C5orf63: variants seen among roughly 807,000 people sequenced by gnomAD.
C5orf63 encodes glutaredoxin-like protein C5orf63.
A neutral mutation model predicts 13.3 loss-of-function variants in C5orf63; 18 were observed. That is an observed-to-expected ratio of 1.36 (90% CI 0.94 to 2.01). C5orf63 has a LOEUF of 2.01. C5orf63 is among the 30% of genes most tolerant of loss of function. The pLI, the probability that C5orf63 is intolerant of heterozygous loss-of-function variation, is 0.00. For missense variants in C5orf63, 118 were observed against 127.7 expected, an observed-to-expected ratio of 0.92 and a Z score of 0.36; for synonymous variants, 38 against 44.7, an observed-to-expected ratio of 0.85 and a Z score of 0.60.
chr5:127,067,611 C>T (rs971706218), intron 2 of C5orf63, among the ~76,000 whole-genome samples: 29 of 152,254 alleles, frequency 1.9e-4, no homozygotes, highest in Admixed American at 1.7e-3. Flanking sequence ...TATGAAGGTA[C>T]TGAAATTTAG....
intron 3 of C5orf63, among the ~76,000 whole-genome samples, chr5:127,055,673 G>C (rs1021525047): frequency 6.6e-6 from 1 of 151,978 alleles, no homozygotes; most frequent in African/African-American, 2.4e-5. Context: ...AATGTTTTAA[G>C]ATAAACATCC....
At position 127,052,631 on chromosome 5, in the gene C5orf63, G is replaced by T; in HGVS notation, c.153C>A (p.Leu51=). The T allele has an allele frequency of 6.6e-7, 1 of 1,507,562 alleles. No homozygotes were observed. Among genetic ancestry groups the T allele is most frequent in the Non-Finnish European group, 8.8e-7 (1 of 1,136,698 alleles). 93.4% of individuals were successfully genotyped at this position (1,507,562 alleles called of 1,614,324 possible). Residue 51 remains leucine (L), a synonymous_variant, in exon 4 of 5, where the codon CTC becomes CTA. Transcript: ENST00000296662. ...ATATTACCCTGTTTTCATAAGGCTT[G>T]AGTACTTCCTTGGCTTCATCACAAA... ...CPLCDEAKEV[L]KPYENRFILQ...
intron 2 of C5orf63, among the ~76,000 whole-genome samples, chr5:127,059,554 C>G (rs1754017714): frequency 6.6e-6 from 1 of 151,644 alleles, no homozygotes; most frequent in South Asian, 2.1e-4. Flanking sequence ...ATGGCAAAAC[C>G]TATCTCTACT....
intron 3 of C5orf63, among the ~76,000 whole-genome samples, chr5:127,055,214 T>C (rs1184804642): frequency 6.6e-6 from 1 of 152,126 alleles, no homozygotes; most frequent in African/African-American, 2.4e-5. Flanking sequence ...GCCATCCCCA[T>C]CAAGCTACCA....
chr5:127,049,554 C>T (rs1018123063), downstream of C5orf63, among the ~76,000 whole-genome samples: 1 of 152,192 alleles, frequency 6.6e-6, no homozygotes, highest in Non-Finnish European at 1.5e-5. Flanking sequence ...GTGCTTTATT[C>T]ACTTGTCTCT....
At chr5:127,056,674 A>G (rs943387047) in intron 3 of C5orf63, among the ~76,000 whole-genome samples, 2 of 152,232 alleles carry the variant, frequency 1.3e-5, no homozygotes, top group African/African-American at 2.4e-5. Flanking sequence ...GAGCCAAACC[A>G]TATCACATGA....
intron 2 of C5orf63, 36 bp downstream of exon 2, chr5:127,071,548 A>G (rs1323691593): frequency 6.6e-6 from 1 of 152,210 alleles, no homozygotes; most frequent in Non-Finnish European, 1.5e-5. Context: ...AGGATAGAGG[A>G]AGCTCACCTA....
Position 127,051,711 on chromosome 5 carries a change from G to A in C5orf63, c.*60C>T. ...GTGACAAAATGAGTATCAGGCCATGGTCATTTCCTTAGGAAGATGCTTTAT... is the reference window on the plus strand; with the variant it reads ...GTGACAAAATGAGTATCAGGCCATGATCATTTCCTTAGGAAGATGCTTTAT... On this transcript the variant is annotated 3_prime_UTR_variant, in exon 5 of 5. Transcript: ENST00000296662. The A allele has an allele frequency of 7.0e-7, 1 of 1,437,210 alleles. No homozygotes were observed. The highest frequency in any genetic ancestry group is 1.5e-5 in the South Asian group (1 of 66,182). 89.0% of individuals were successfully genotyped at this position (1,437,210 alleles called of 1,614,324 possible). A position where few individuals can be genotyped will look rare whatever the true frequency, so the allele number is the denominator to read the frequency against.
chr5:127,072,888 T>C (rs1179420631), intron 1 of C5orf63, among the ~76,000 whole-genome samples: 1 of 152,184 alleles, frequency 6.6e-6, no homozygotes, highest in East Asian at 1.9e-4. Context: ...ATTCTCTCAT[T>C]GTTCAGTACC....
rs187313850 is a variant in C5orf63, at chr5:127,051,317, A to G, written c.*454T>C. ...TTCATGCAGATGTATTCCTTAAAAC[A>G]TCGCTTTATTGACCGTGCACAGTTA... On this transcript the variant is annotated 3_prime_UTR_variant, in exon 5 of 5. Coordinates refer to ENST00000296662, the MANE Select transcript of C5orf63 (RefSeq NM_001164478.2). 2.0e-4 allele frequency: 241 copies of G among 1,230,372 alleles called. No individual in the cohort carries two copies. In the African/African-American group the frequency reaches 2.6e-3, roughly 13 times the overall value. The allele number at this position is 1,230,372 out of a possible 1,614,324, so 76.2% of individuals were successfully genotyped here. A position where few individuals can be genotyped will look rare whatever the true frequency, so the allele number is the denominator to read the frequency against.
At chr5:127,063,324 C>A (rs1754178897) in intron 2 of C5orf63, among the ~76,000 whole-genome samples, 1 of 152,208 alleles carries the variant, frequency 6.6e-6, no homozygotes, top group Non-Finnish European at 1.5e-5. Context: ...ATTAAGGCAA[C>A]TGATTATAGT....
intron 2 of C5orf63, among the ~76,000 whole-genome samples, chr5:127,065,079 A>G (rs1754273256): frequency 6.6e-6 from 1 of 152,218 alleles, no homozygotes; most frequent in Admixed American, 6.5e-5. Context: ...CATGTTTGAT[A>G]CAAGTAACAA....
intron 2 of C5orf63, among the ~76,000 whole-genome samples, chr5:127,064,029 T>C (rs1033846599): frequency 1.3e-4 from 20 of 152,076 alleles, no homozygotes; most frequent in East Asian, 9.6e-4. Context: ...ACAGGGACAA[T>C]TGATGCCTCC....
chr5:127,058,836 A>T, intron 3 of C5orf63, 46 bp downstream of exon 3: 1 of 1,241,208 alleles, frequency 8.1e-7, no homozygotes, highest in Non-Finnish European at 1.1e-6. Flanking sequence ...TTTTTCTTAA[A>T]TGTACAACTT....
Position 127,058,867 on chromosome 5 carries a change from T to G in C5orf63, c.114+15A>C. 6 of 1,494,216 alleles carry G rather than the reference T, an allele frequency of 4.0e-6. No individual in the cohort carries two copies. The highest frequency in any genetic ancestry group is 5.4e-6 in the Non-Finnish European group (6 of 1,110,588). 92.6% of individuals were successfully genotyped at this position (1,494,216 alleles called of 1,614,324 possible). A position where few individuals can be genotyped will look rare whatever the true frequency, so the allele number is the denominator to read the frequency against. ...AACTTTCTTCACCCAACAATTTTAC[T>G]TTTTCACTTTGTACCTTTGTGAATA... On this transcript the variant is annotated intron_variant, in intron 3 of 4. Transcript: ENST00000296662.
intron 2 of C5orf63, among the ~76,000 whole-genome samples, chr5:127,065,312 G>A (rs1754286580): frequency 6.6e-6 from 1 of 152,038 alleles, no homozygotes; most frequent in Non-Finnish European, 1.5e-5. Context: ...TATATGAGCA[G>A]GTAAATTAGA....
chr5:127,053,248 T>G (rs73783521), intron 3 of C5orf63, among the ~76,000 whole-genome samples: 2,023 of 152,322 alleles, frequency 0.013, 38 homozygotes, highest in African/African-American at 0.047. Context: ...ATAGGTTTCC[T>G]GGACAAATTC....
intron 2 of C5orf63, among the ~76,000 whole-genome samples, chr5:127,059,652 T>C (rs1754021263): frequency 6.7e-6 from 1 of 148,158 alleles, no homozygotes; most frequent in African/African-American, 2.5e-5. Context: ...CACCTGAGCC[T>C]GGGAAGTTGG....
At chr5:127,045,908 C>T (rs1013780892) in exon 5 of C5orf63, 7 of 152,232 alleles carry the variant, frequency 4.6e-5, no homozygotes, top group East Asian at 1.9e-4. Flanking sequence ...AAAGGCATCA[C>T]GTAATGTAAA....
Sources: gnomAD v4.1 joint callset for allele counts (sites outside exome capture counted in the v4.1 genomes callset) on GRCh38, gnomAD v4.1.1 for gene constraint, MANE v1.5 for transcripts, NCBI Gene and HGNC (gene_info 2026-07-23, HGNC 2026-07-21) for gene names.